The following PPP4R3B variants were observed in gnomAD, a reference collection of about 807,000 sequenced individuals.
The protein encoded by PPP4R3B is serine/threonine-protein phosphatase 4 regulatory subunit 3B.
A neutral mutation model predicts 95.4 loss-of-function variants in PPP4R3B; 52 were observed. The observed-to-expected ratio is 0.54, with a 90% CI of 0.44 to 0.69. PPP4R3B has a LOEUF of 0.69. Among genes scored for constraint, PPP4R3B ranks in the 30% least tolerant of loss-of-function variants. The pLI, the probability that PPP4R3B is intolerant of heterozygous loss-of-function variation, is 0.00. For synonymous variants in PPP4R3B, 407 were observed against 343.9 expected (o/e 1.18, Z -2.03); for missense variants, 1,003 against 1,005.9 (o/e 1.00, Z 0.04).
chr2:55,577,103 C>CA (rs1490774518), intron 11 of PPP4R3B, among the ~76,000 whole-genome samples: 8 of 152,162 alleles, frequency 5.3e-5, no homozygotes, highest in Non-Finnish European at 1.2e-4. Context: ...CATCAGAAAA[C>CA]AAGCTATAAA....
chr2:55,587,508 C>G (rs1185508363), intron 5 of PPP4R3B, among the ~76,000 whole-genome samples: 2 of 152,176 alleles, frequency 1.3e-5, no homozygotes, highest in Non-Finnish European at 2.9e-5. Flanking sequence ...CGCTTGAACC[C>G]AGGAGGCGGA....
chr2:55,575,049 T>G (rs1246014150), intron 11 of PPP4R3B, among the ~76,000 whole-genome samples: 1 of 149,350 alleles, frequency 6.7e-6, no homozygotes, highest in African/African-American at 2.5e-5. Flanking sequence ...GCCATTCTCC[T>G]GCCTCAGCCT....
intron 6 of PPP4R3B, among the ~76,000 whole-genome samples, chr2:55,586,219 A>G (rs1447359011): frequency 6.6e-6 from 1 of 152,194 alleles, no homozygotes; most frequent in African/African-American, 2.4e-5. Context: ...AATTTTCCAT[A>G]AAGTAAATAC....
chr2:55,551,774 A>AAATG (rs1166296361), intron 16 of PPP4R3B, among the ~76,000 whole-genome samples: 6 of 152,078 alleles, frequency 3.9e-5, no homozygotes, highest in Non-Finnish European at 7.4e-5. Flanking sequence ...ATAAATAAAT[A>AAATG]AATAGATAAC....
Position 55,564,975 on chromosome 2 carries a change from A to G in PPP4R3B, c.2002T>C (p.Tyr668His). ...TTCAATCCTTTGAATGTCTGAACAT[A>G]TTCAATCGATTCAAGTGCTTTATAA... ...NFYKALESIEYVQTFKGLKTK... is the reference protein window; with the variant it reads ...NFYKALESIEHVQTFKGLKTK... The change falls in exon 14 of 17, where the codon TAT becomes CAT. Residue 668 changes from tyrosine (Y) to histidine (H), a missense_variant. Coordinates refer to ENST00000616407, the MANE Select transcript of PPP4R3B (RefSeq NM_001122964.3). 6.2e-7 allele frequency: 1 copy of G among 1,610,248 alleles called. No homozygotes were observed. Among genetic ancestry groups the G allele is most frequent in the African/African-American group, 1.3e-5 (1 of 74,888 alleles).
At chr2:55,598,161 A>T (rs1240225498) in intron 4 of PPP4R3B, among the ~76,000 whole-genome samples, 1 of 152,206 alleles carries the variant, frequency 6.6e-6, no homozygotes, top group Non-Finnish European at 1.5e-5. Context: ...CGTAGGTTGC[A>T]GTGAGCTGAG....
rs56101593 is a variant in PPP4R3B at position 55,590,110 on chromosome 2, C to G, written c.922-1154G>C. Among the ~76,000 whole-genome samples the G allele has an allele frequency of 1.6e-3, 242 of 150,524 alleles. 2 individuals carry two copies. The Middle Eastern group carries it at 0.024, about 15-fold the overall frequency. On this transcript the variant is annotated intron_variant, in intron 4 of 16. Transcript: ENST00000616407. ...TGGGAGGCTGAGGCGGGGGGATCAC[C>G]TGAGGTCGGAAGTTCCAGACCAGCT... is the stretch of plus-strand genomic sequence containing the variant.
At chr2:55,592,951 G>A (rs2104389789) in intron 4 of PPP4R3B, among the ~76,000 whole-genome samples, 1 of 152,124 alleles carries the variant, frequency 6.6e-6, no homozygotes, top group South Asian at 2.1e-4. Context: ...ACCTGAGGTT[G>A]GGAGTTCAAG....
At chr2:55,565,112 T>G in intron 13 of PPP4R3B, 71 bp from the exon 14 acceptor site, 1 of 1,275,702 alleles carries the variant, frequency 7.8e-7, no homozygotes, top group Non-Finnish European at 1.0e-6. Flanking sequence ...TAAAATTTTG[T>G]TTTGTAGTTC....
chr2:55,586,334 T>A (rs987748142), intron 6 of PPP4R3B, among the ~76,000 whole-genome samples: 2 of 152,152 alleles, frequency 1.3e-5, no homozygotes. Context: ...ACAAAAGATA[T>A]TTTACTGGCT....
At chr2:55,608,606 T>C (rs1693737182) in intron 2 of PPP4R3B, among the ~76,000 whole-genome samples, 1 of 152,212 alleles carries the variant, frequency 6.6e-6, no homozygotes, top group South Asian at 2.1e-4. Context: ...CACTTATTGC[T>C]TCTCTTCAAT....
rs1290450775 is a variant in PPP4R3B, at chr2:55,548,146, T to C, written c.*1765A>G. 6.6e-6 allele frequency: 1 copy of C among 152,282 alleles called. No homozygotes were observed. The highest frequency in any genetic ancestry group is 2.4e-5 in the African/African-American group (1 of 41,452). 9.4% of individuals were successfully genotyped at this position (152,282 alleles called of 1,614,324 possible). A position where few individuals can be genotyped will look rare whatever the true frequency, so the allele number is the denominator to read the frequency against. On this transcript the variant is annotated 3_prime_UTR_variant, in exon 17 of 17. Coordinates refer to ENST00000616407, the MANE Select transcript of PPP4R3B (RefSeq NM_001122964.3). ...AATTGAAAAGGTGAGAAAAGCTCCATACTGTGATGCTATGATTTCCCCAAG... is the reference window on the plus strand; with the variant it reads ...AATTGAAAAGGTGAGAAAAGCTCCACACTGTGATGCTATGATTTCCCCAAG...
intron 16 of PPP4R3B, among the ~76,000 whole-genome samples, chr2:55,551,422 ATAG>A (rs1422702055): frequency 1.3e-5 from 2 of 152,136 alleles, no homozygotes; most frequent in Admixed American, 1.3e-4. Flanking sequence ...TAAAATTGGT[ATAG>A]TAGTATTTAG....
At chr2:55,573,570 A>C in intron 12 of PPP4R3B, 49 bp downstream of exon 12, 3 of 1,477,558 alleles carry the variant, frequency 2.0e-6, no homozygotes, top group Non-Finnish European at 2.7e-6. Flanking sequence ...GGGTAACTTC[A>C]GTTTTATCTC....
At chr2:55,584,134 G>A (rs753024642) in intron 7 of PPP4R3B, among the ~76,000 whole-genome samples, 56 of 151,840 alleles carry the variant, frequency 3.7e-4, no homozygotes, top group Non-Finnish European at 6.5e-4. Flanking sequence ...CAACAAGAGT[G>A]AACCTCTGTC....
intron 3 of PPP4R3B, among the ~76,000 whole-genome samples, 183 bp from the exon 4 acceptor site, chr2:55,599,222 G>A (rs542536218): frequency 2.6e-5 from 4 of 152,282 alleles, no homozygotes; most frequent in African/African-American, 9.6e-5. Flanking sequence ...CAGGTCTCTT[G>A]AGGTCAGGAG....
In PPP4R3B at chr2:55,564,452, T is replaced by C; in HGVS notation, c.2121A>G (p.Lys707=). ...ACATTTCTTCATCCTCTTCCAAGGCTTTTGCATCTCTGCGAAATCTGTTAC... is the reference window on the plus strand; with the variant it reads ...ACATTTCTTCATCCTCTTCCAAGGCCTTTGCATCTCTGCGAAATCTGTTAC... ...LRSNRFRRDA[K]ALEEDEEMWF... The change falls in exon 15 of 17, where the codon AAA becomes AAG. Residue 707 remains lysine (K), a synonymous_variant. Transcript: ENST00000616407. 1 of 1,612,906 alleles carries C rather than the reference T, an allele frequency of 6.2e-7. No individual in the cohort carries two copies.
intron 4 of PPP4R3B, among the ~76,000 whole-genome samples, chr2:55,590,859 A>G (rs1690913763): frequency 6.6e-6 from 1 of 152,206 alleles, no homozygotes; most frequent in Admixed American, 6.5e-5. Context: ...TGGAACATGT[A>G]TTTTTAAAAA....
At chr2:55,551,452 T>C (rs1245227263) in intron 16 of PPP4R3B, among the ~76,000 whole-genome samples, 3 of 152,122 alleles carry the variant, frequency 2.0e-5, no homozygotes, top group Admixed American at 6.6e-5. Flanking sequence ...GTGAACTATT[T>C]TGAAATTTAA....
Sources: gnomAD v4.1 joint callset for allele counts (sites outside exome capture counted in the v4.1 genomes callset) on GRCh38, gnomAD v4.1.1 for gene constraint, MANE v1.5 for transcripts, NCBI Gene and HGNC (gene_info 2026-07-23, HGNC 2026-07-21) for gene names.